Variants in RBFOX1 observed in about 807,000 individuals in gnomAD.
RBFOX1 encodes the protein RNA binding protein fox-1 homolog 1.
A neutral mutation model predicts 57.7 loss-of-function variants in RBFOX1; 8 were observed. The ratio of observed to expected loss-of-function variants is 0.14; its 90% CI spans 0.08 to 0.25. The LOEUF is 0.25. RBFOX1 is among the 10% of genes least tolerant of loss of function. RBFOX1 has a pLI of 1.00. For synonymous variants in RBFOX1, 326 were observed against 222.4 expected, an observed-to-expected ratio of 1.47 and a Z score of -4.15; for missense variants, 611 against 548.5, an observed-to-expected ratio of 1.11 and a Z score of -1.14.
chr16:6,358,887 G>A (rs1178948663), intron 2 of RBFOX1, among the ~76,000 whole-genome samples: 10 of 152,264 alleles, frequency 6.6e-5, no homozygotes, highest in South Asian at 2.1e-4. Flanking sequence ...ATTTATTGCC[G>A]GAGGGACATA....
chr16:6,264,241 T>C (rs1397728292), intron 1 of RBFOX1, among the ~76,000 whole-genome samples: 1 of 152,120 alleles, frequency 6.6e-6, no homozygotes, highest in Non-Finnish European at 1.5e-5. Context: ...CTTCCTGTCA[T>C]GAAAGGAGAA....
chr16:7,141,518 G>A (rs1287812343), intron 4 of RBFOX1, among the ~76,000 whole-genome samples: 1 of 152,208 alleles, frequency 6.6e-6, no homozygotes, highest in African/African-American at 2.4e-5. Flanking sequence ...TTTTGCTAGA[G>A]TGCATCAAGG....
At chr16:7,211,920 C>T (rs768038931) in intron 4 of RBFOX1, among the ~76,000 whole-genome samples, 2 of 152,154 alleles carry the variant, frequency 1.3e-5, no homozygotes, top group South Asian at 2.1e-4. Context: ...CAGCTACCCA[C>T]AGGCGCCGTA....
At chr16:6,686,657 A>T (rs12325269) in intron 3 of RBFOX1, among the ~76,000 whole-genome samples, 31,273 of 152,038 alleles carry the variant, frequency 0.21, 4,145 homozygotes, top group East Asian at 0.48. Context: ...TGTCCTTTTG[A>T]GACACAAAGG....
chr16:6,967,630 T>C (rs1397572614), intron 3 of RBFOX1, among the ~76,000 whole-genome samples: 1 of 152,062 alleles, frequency 6.6e-6, no homozygotes, highest in Non-Finnish European at 1.5e-5. Flanking sequence ...CACTTCGCTG[T>C]TGAACAGCGA....
rs542828240 is a variant in RBFOX1 at position 7,518,224 on chromosome 16, C to T, written c.105C>T (p.Asn35=). Residue 35 remains asparagine (N), a synonymous_variant, in exon 5 of 16, where the codon AAC becomes AAT. Coordinates refer to ENST00000550418, the MANE Select transcript of RBFOX1 (RefSeq NM_018723.4). ...CGGCCCAGTTTGCTCCCCCGCAGAA[C>T]GGTATCCCCGCGGAATACACGGCCC... The part of the protein sequence containing the change: ...YASAQFAPPQ[N]GIPAEYTAPH... 1.2e-5 allele frequency: 19 copies of T among 1,614,124 alleles called. No individual in the cohort carries two copies. Among genetic ancestry groups the T allele is most frequent in the East Asian group, 6.7e-5 (3 of 44,864 alleles).
At chr16:6,209,730 A>T (rs961671144) in intron 1 of RBFOX1, among the ~76,000 whole-genome samples, 2 of 152,206 alleles carry the variant, frequency 1.3e-5, no homozygotes, top group African/African-American at 4.8e-5. Flanking sequence ...TCACTGGATG[A>T]TTGAATTATT....
intron 5 of RBFOX1, among the ~76,000 whole-genome samples, chr16:7,522,078 C>T (rs974436455): frequency 6.6e-6 from 1 of 152,170 alleles, no homozygotes; most frequent in Admixed American, 6.6e-5. Flanking sequence ...TACTGAGTGT[C>T]CCAGCCCTGG....
intron 1 of RBFOX1, among the ~76,000 whole-genome samples, chr16:5,334,784 G>A (rs1344815608): frequency 6.6e-6 from 1 of 151,350 alleles, no homozygotes; most frequent in African/African-American, 2.4e-5. Flanking sequence ...GGCCAACCGT[G>A]GTCATTGTCC....
At chr16:6,352,137 A>C (rs921741527) in intron 2 of RBFOX1, among the ~76,000 whole-genome samples, 1 of 152,212 alleles carries the variant, frequency 6.6e-6, no homozygotes, top group Admixed American at 6.5e-5. Context: ...TTTATATAAT[A>C]AAAAGCAACC....
chr16:7,039,508 C>T (rs576787990), intron 3 of RBFOX1, among the ~76,000 whole-genome samples: 1 of 152,110 alleles, frequency 6.6e-6, no homozygotes, highest in Non-Finnish European at 1.5e-5. Flanking sequence ...ATTGTTGTGA[C>T]TTTTTGTTTT....
At chr16:5,950,834 T>A (rs2059505201) in intron 4 of RBFOX1, among the ~76,000 whole-genome samples, 1 of 152,032 alleles carries the variant, frequency 6.6e-6, no homozygotes, top group Non-Finnish European at 1.5e-5. Flanking sequence ...GGTGAATATC[T>A]GTTCTGCAGT....
At chr16:6,939,506 C>CTTTTCTTTTTT (rs1555651253) in intron 3 of RBFOX1, among the ~76,000 whole-genome samples, 2 of 112,890 alleles carry the variant, frequency 1.8e-5, no homozygotes, top group African/African-American at 3.1e-5. Flanking sequence ...ATTTTTCTTT[C>CTTTTCTTTTTT]TTTTTTTTTT....
intron 4 of RBFOX1, among the ~76,000 whole-genome samples, chr16:7,403,146 T>A (rs996916805): frequency 6.6e-6 from 1 of 152,216 alleles, no homozygotes; most frequent in Admixed American, 6.5e-5. Flanking sequence ...GGTATACCAT[T>A]TGATATTTTG....
chr16:6,046,354 T>A (rs1442140207), intron 1 of RBFOX1, among the ~76,000 whole-genome samples: 1 of 152,100 alleles, frequency 6.6e-6, no homozygotes, highest in Non-Finnish European at 1.5e-5. Context: ...ATAGTAATGA[T>A]TTACTCACAT....
intron 11 of RBFOX1, among the ~76,000 whole-genome samples, chr16:7,633,707 G>C (rs2061335803): frequency 6.6e-6 from 1 of 152,184 alleles, no homozygotes; most frequent in African/African-American, 2.4e-5. Context: ...CCAACTCTGA[G>C]ACCCCTCCCT....
chr16:5,683,143 G>C (rs953404255), intron 3 of RBFOX1, among the ~76,000 whole-genome samples: 3 of 151,816 alleles, frequency 2.0e-5, no homozygotes, highest in Non-Finnish European at 2.9e-5. Flanking sequence ...TGTGTGTTGG[G>C]GGTGGAGGTG....
intron 4 of RBFOX1, among the ~76,000 whole-genome samples, chr16:7,494,859 A>C (rs2068090148): frequency 1.6e-5 from 2 of 128,652 alleles, no homozygotes; most frequent in South Asian, 4.8e-4. Flanking sequence ...TGCACTATAA[A>C]ATCTTCATTC....
chr16:6,764,796 G>T (rs922924867), intron 3 of RBFOX1, among the ~76,000 whole-genome samples: 4 of 152,024 alleles, frequency 2.6e-5, no homozygotes, highest in African/African-American at 9.7e-5. Context: ...AATTAGCTAG[G>T]CATGGTGACG....
Sources: gnomAD v4.1 joint callset for allele counts (sites outside exome capture counted in the v4.1 genomes callset) on GRCh38, gnomAD v4.1.1 for gene constraint, MANE v1.5 for transcripts, NCBI Gene and HGNC (gene_info 2026-07-23, HGNC 2026-07-21) for gene names.